NTNG1: variants seen among roughly 807,000 people sequenced by gnomAD.
NTNG1 encodes the protein netrin-G1.
In NTNG1, 16 loss-of-function variants were observed where a neutral mutation model predicts 54.0. The ratio of observed to expected loss-of-function variants is 0.30; its 90% CI spans 0.20 to 0.45. NTNG1 has a LOEUF of 0.45. Among genes scored for constraint, NTNG1 ranks in the 20% least tolerant of loss-of-function variants. NTNG1 has a pLI of 1.00. For missense variants in NTNG1, 530 were observed against 678.7 expected (o/e 0.78, Z 2.43); for synonymous variants, 255 against 263.1 (o/e 0.97, Z 0.30).
chr1:107,449,672 C>T (rs541141880), intron 7 of NTNG1, among the ~76,000 whole-genome samples: 1 of 151,080 alleles, frequency 6.6e-6, no homozygotes, highest in Non-Finnish European at 1.5e-5. Flanking sequence ...TTAAAGAGTC[C>T]TTGCTTTTTT....
intron 3 of NTNG1, among the ~76,000 whole-genome samples, chr1:107,348,284 C>G (rs919032879): frequency 6.6e-6 from 1 of 152,190 alleles, no homozygotes; most frequent in Admixed American, 6.5e-5. Flanking sequence ...CACCACGACA[C>G]CTGGCTGATT....
intron 2 of NTNG1, among the ~76,000 whole-genome samples, chr1:107,154,806 A>G (rs1020213505): frequency 1.3e-5 from 2 of 151,572 alleles, no homozygotes; most frequent in Non-Finnish European, 2.9e-5. Context: ...TCAAATATGC[A>G]TATATAGTTA....
At chr1:107,258,325 T>C (rs1029437304) in intron 2 of NTNG1, among the ~76,000 whole-genome samples, 2 of 151,902 alleles carry the variant, frequency 1.3e-5, no homozygotes, top group African/African-American at 4.8e-5. Flanking sequence ...AAACTAATTG[T>C]TACTACATTA....
At chr1:107,334,728 G>A (rs1035491636) in intron 3 of NTNG1, among the ~76,000 whole-genome samples, 25 of 151,946 alleles carry the variant, frequency 1.6e-4, no homozygotes, top group Admixed American at 5.9e-4. Flanking sequence ...TAGACTCAGA[G>A]GGAACTTTCA....
intron 6 of NTNG1, among the ~76,000 whole-genome samples, chr1:107,434,286 C>CTAT (rs1675462790): frequency 6.6e-6 from 1 of 152,184 alleles, no homozygotes; most frequent in South Asian, 2.1e-4. Flanking sequence ...ATGCAGCAGG[C>CTAT]TATTCCATGT....
In NTNG1 at chr1:107,304,886, G is replaced by C. The variant is rs551343273; in HGVS notation, c.247-19396G>C. On this transcript the variant is annotated intron_variant, in intron 2 of 7. Transcript: ENST00000370068. Reference sequence around the variant, plus strand: ...TTCTTCTAATGCTATCCCTCCCCTAGCCCTGCCACCCCCTGACAGGCCCTG... The same window carrying C: ...TTCTTCTAATGCTATCCCTCCCCTACCCCTGCCACCCCCTGACAGGCCCTG... Among the ~76,000 whole-genome samples the C allele has an allele frequency of 4.7e-4, 71 of 151,960 alleles. 2 individuals are homozygous for C. The highest frequency in any genetic ancestry group is 6.8e-3 in the Middle Eastern group (2 of 294).
chr1:107,352,619 A>T (rs1445476425), intron 3 of NTNG1, among the ~76,000 whole-genome samples: 1 of 152,230 alleles, frequency 6.6e-6, no homozygotes, highest in Non-Finnish European at 1.5e-5. Flanking sequence ...AAATCAGCCA[A>T]AAGAAAGGGG....
At chr1:107,467,892 C>T (rs1026440453) in intron 7 of NTNG1, among the ~76,000 whole-genome samples, 1 of 152,212 alleles carries the variant, frequency 6.6e-6, no homozygotes, top group African/African-American at 2.4e-5. Flanking sequence ...TGGCTCCTGT[C>T]ATCATTTTGC....
At chr1:107,279,872 C>G (rs1664716547) in intron 2 of NTNG1, among the ~76,000 whole-genome samples, 2 of 151,998 alleles carry the variant, frequency 1.3e-5, no homozygotes, top group Non-Finnish European at 2.9e-5. Context: ...CACATTGCAG[C>G]CTCAAACTCT....
chr1:107,184,166 G>C (rs1224669461), intron 2 of NTNG1, among the ~76,000 whole-genome samples: 2 of 151,506 alleles, frequency 1.3e-5, no homozygotes, highest in Non-Finnish European at 2.9e-5. Flanking sequence ...AGTCATGCCT[G>C]GTACTGATGA....
chr1:107,194,985 C>A (rs915174145), intron 2 of NTNG1, among the ~76,000 whole-genome samples: 3 of 151,902 alleles, frequency 2.0e-5, no homozygotes, highest in African/African-American at 7.3e-5. Context: ...GAGGCATAAC[C>A]CTTCTAGAAG....
intron 3 of NTNG1, among the ~76,000 whole-genome samples, chr1:107,373,930 G>A (rs1671077794): frequency 6.6e-6 from 1 of 152,012 alleles, no homozygotes; most frequent in Admixed American, 6.5e-5. Context: ...TCAAACACCT[G>A]GCTTCAAGAA....
At chr1:107,246,629 A>C (rs1353658330) in intron 2 of NTNG1, among the ~76,000 whole-genome samples, 1 of 152,074 alleles carries the variant, frequency 6.6e-6, no homozygotes, top group Non-Finnish European at 1.5e-5. Context: ...AATTTTAAAA[A>C]TGTGTTTTAC....
At chr1:107,461,691 G>A (rs1025346216) in intron 7 of NTNG1, among the ~76,000 whole-genome samples, 2 of 151,872 alleles carry the variant, frequency 1.3e-5, no homozygotes, top group Non-Finnish European at 2.9e-5. Context: ...GCACCACCAT[G>A]CCCAGCTAAT....
intron 2 of NTNG1, among the ~76,000 whole-genome samples, chr1:107,310,255 TACTA>T (rs1666926544): frequency 6.6e-6 from 1 of 152,186 alleles, no homozygotes; most frequent in Non-Finnish European, 1.5e-5. Context: ...ATTAGAATAT[TACTA>T]ACTGCTATTT....
chr1:107,234,205 G>A (rs998299813), intron 2 of NTNG1, among the ~76,000 whole-genome samples: 5 of 152,106 alleles, frequency 3.3e-5, no homozygotes, highest in African/African-American at 9.6e-5. Flanking sequence ...TCACTGCAAC[G>A]TCTGTCTCCT....
At chr1:107,165,191 G>A (rs1039731201) in intron 2 of NTNG1, among the ~76,000 whole-genome samples, 1 of 152,104 alleles carries the variant, frequency 6.6e-6, no homozygotes, top group African/African-American at 2.4e-5. Flanking sequence ...TAGCGGGAAA[G>A]CTGTTTACTG....
chr1:107,267,389 T>A (rs1663822089), intron 2 of NTNG1, among the ~76,000 whole-genome samples: 1 of 151,998 alleles, frequency 6.6e-6, no homozygotes, highest in African/African-American at 2.4e-5. Context: ...TGCATAGAGG[T>A]AAATCATGAA....
chr1:107,430,615 T>C, intron 5 of NTNG1, 135 bp from the exon 6 acceptor site: 1 of 879,068 alleles, frequency 1.1e-6, no homozygotes, highest in Non-Finnish European at 1.9e-6. Context: ...GTTGCCACCA[T>C]GTGTTGTGTT....
Sources: gnomAD v4.1 joint callset for allele counts (sites outside exome capture counted in the v4.1 genomes callset) on GRCh38, gnomAD v4.1.1 for gene constraint, MANE v1.5 for transcripts, NCBI Gene and HGNC (gene_info 2026-07-23, HGNC 2026-07-21) for gene names.